Variants in UCP3 observed in about 807,000 individuals in gnomAD.
UCP3 encodes the protein uncoupling protein 3, also known as putative mitochondrial transporter UCP3.
UCP3 carries 24 observed loss-of-function variants against 28.1 expected under a neutral mutation model. The ratio of observed to expected loss-of-function variants is 0.85; its 90% CI spans 0.62 to 1.20. The LOEUF is 1.20. Ranked by LOEUF, UCP3 falls within the 50% of genes most tolerant of loss-of-function variation. The pLI is 0.00. For missense variants in UCP3, 397 were observed against 422.2 expected (o/e 0.94, Z 0.52); for synonymous variants, 184 against 171.2 (o/e 1.07, Z -0.59).
Position 74,001,052 on chromosome 11 carries a change from A to T in UCP3, c.*360T>A. The T allele has an allele frequency of 3.4e-6, 1 of 292,280 alleles. No homozygotes were observed. Among genetic ancestry groups the T allele is most frequent in the Non-Finnish European group, 6.5e-6 (1 of 154,386 alleles). 18.1% of individuals were successfully genotyped at this position (292,280 alleles called of 1,614,324 possible). A position where few individuals can be genotyped will look rare whatever the true frequency, so the allele number is the denominator to read the frequency against. On this transcript the variant is annotated 3_prime_UTR_variant, in exon 7 of 7. Transcript: ENST00000314032. ...CCCGTGCTTGCCATCCTTCCTGCTT[A>T]TCATTCATTATCTAACCAGATTTCA...
chr11:74,004,677 G>C, intron 4 of UCP3, 92 bp from the exon 5 acceptor site: 1 of 1,296,034 alleles, frequency 7.7e-7, no homozygotes. Flanking sequence ...CAAGGCCACA[G>C]GCCCCAGTTT....
chr11:74,007,467 G>A (rs745469351), intron 1 of UCP3, among the ~76,000 whole-genome samples: 1 of 151,558 alleles, frequency 6.6e-6, no homozygotes, highest in Non-Finnish European at 1.5e-5. Flanking sequence ...GTCTCACTCT[G>A]TTACCTGGGC....
rs762770256 is a variant in UCP3 at position 74,006,916 on chromosome 11, C to A, written c.126+1G>T. On this transcript the variant is annotated splice_donor_variant, in intron 2 of 6. Coordinates refer to ENST00000314032, the MANE Select transcript of UCP3 (RefSeq NM_003356.4). LOFTEE classifies it high-confidence loss of function. ...ATGACCCTTGGCCAAAGGGCACCTACCTGCAGGCGGACCTTGGCTGTGTCC... is the reference window on the plus strand; with the variant it reads ...ATGACCCTTGGCCAAAGGGCACCTAACTGCAGGCGGACCTTGGCTGTGTCC... 8 of 1,614,190 alleles carry A rather than the reference C, an allele frequency of 5.0e-6. No homozygotes were observed. Among genetic ancestry groups the A allele is most frequent in the Middle Eastern group, 1.6e-4 (1 of 6,062 alleles).
Position 74,001,429 on chromosome 11 carries a change from G to A in UCP3, c.922C>T (p.Arg308Trp), listed in dbSNP as rs763155375. 7.6e-5 allele frequency: 122 copies of A among 1,614,004 alleles called. No individual in the cohort carries two copies. The Admixed American group carries it at 1.8e-3, about 23-fold the overall frequency. ...KRALMKVQML[R>W]ESPF ...TGTCTTGTTCAAAACGGTGATTCCC[G>A]TAACATCTGGACTTTCATCAGGGCC... The change falls in exon 7 of 7, where the codon CGG becomes TGG. Residue 308 changes from arginine (R) to tryptophan (W), a missense_variant. Physicochemically the swap from Arg to Trp is moderately radical, Grantham distance 101 (BLOSUM62 -3). Transcript: ENST00000314032.
rs150286432 is a variant in UCP3, at chr11:74,004,476, G to A, written c.643+8C>T. ...GGAGAGCTGCCTGCCTGGAGCCCAGGGCCTCACCAGTGAGCAGGTGGTAGT... is the reference window on the plus strand; with the variant it reads ...GGAGAGCTGCCTGCCTGGAGCCCAGAGCCTCACCAGTGAGCAGGTGGTAGT... On this transcript the variant is annotated splice_region_variant and intron_variant, in intron 5 of 6. Transcript: ENST00000314032. 395 of 1,613,490 alleles carry A rather than the reference G, an allele frequency of 2.4e-4. 2 individuals carry two copies. The African/African-American group carries it at 4.5e-3, about 18-fold the overall frequency.
intron 1 of UCP3, among the ~76,000 whole-genome samples, chr11:74,007,583 C>A (rs1009791344): frequency 3.3e-5 from 5 of 152,286 alleles, no homozygotes; most frequent in South Asian, 4.1e-4. Context: ...AGGTGTGCAT[C>A]ACCATACCCA....
At chr11:74,003,540 T>C (rs1232868482) in intron 6 of UCP3, 5 of 1,137,136 alleles carry the variant, frequency 4.4e-6, no homozygotes, top group Non-Finnish European at 5.4e-6. Context: ...TCAATGGCCA[T>C]GGCAGGAGGT....
intron 1 of UCP3, among the ~76,000 whole-genome samples, chr11:74,008,234 A>C (rs961412798): frequency 6.6e-6 from 1 of 152,144 alleles, no homozygotes; most frequent in Non-Finnish European, 1.5e-5. Flanking sequence ...TTCACTGCCC[A>C]GAGAGTCTCA....
chr11:74,003,165 T>C (rs1257130828), intron 6 of UCP3, among the ~76,000 whole-genome samples: 1 of 152,236 alleles, frequency 6.6e-6, no homozygotes, highest in Non-Finnish European at 1.5e-5. Context: ...CAACCTGCAT[T>C]ATCGAGTGCT....
At position 74,004,518 on chromosome 11, in the gene UCP3, G is replaced by A. The variant is rs927547946; in HGVS notation, c.609C>T (p.Leu203=). 1.9e-6 allele frequency: 3 copies of A among 1,614,026 alleles called. No homozygotes were observed. In the African/African-American group the frequency reaches 4.0e-5, roughly 22 times the overall value. The stretch of plus-strand genomic sequence containing the variant: ...GGTGGTAGTCCAGCAGCTTCTCCTT[G>A]AGGATGTCGTAGGTCACCACCTCAG... The part of the protein sequence containing the change: ...NCAEVVTYDI[L]KEKLLDYHLL... The change falls in exon 5 of 7, where the codon CTC becomes CTT. Residue 203 remains leucine (L), a synonymous_variant. Coordinates refer to ENST00000314032, the MANE Select transcript of UCP3 (RefSeq NM_003356.4).
intron 4 of UCP3, among the ~76,000 whole-genome samples, chr11:74,005,285 T>C (rs1437477054): frequency 1.3e-5 from 2 of 152,082 alleles, no homozygotes; most frequent in African/African-American, 2.4e-5. Flanking sequence ...ATGCTCCTCT[T>C]TTTCCTCCGG....
At position 74,003,863 on chromosome 11, in the gene UCP3, A is replaced by T. The variant is rs1951638302; in HGVS notation, c.788T>A (p.Met263Lys). Residue 263 changes from methionine to lysine, a missense_variant, in exon 6 of 7, where the codon ATG becomes AAG. By Grantham distance (95) the Met-to-Lys change is moderately conservative. Transcript: ENST00000314032. ...YFSPLDCMIK[M>K]VAQEGPTAFY... ...GGCTGTGGGGCCCTCCTGGGCCACC[A>T]TCTTTATCATACAGTCGAGGGGGCT... is the stretch of plus-strand genomic sequence containing the variant. 3 of 1,613,224 alleles carry T rather than the reference A, an allele frequency of 1.9e-6. No homozygotes were observed. The highest frequency in any genetic ancestry group is 2.5e-6 in the Non-Finnish European group (3 of 1,179,474).
In UCP3 at chr11:74,001,482, A is replaced by C. The variant is rs760546477; in HGVS notation, c.869T>G (p.Met290Arg). The change falls in exon 7 of 7, where the codon ATG becomes AGG. Residue 290 changes from methionine (M) to arginine (R), a missense_variant. Met to Arg is a moderately conservative substitution (Grantham distance 91, BLOSUM62 -1). Transcript: ENST00000314032. ...FLRLGSWNVV[M>R]FVTYEQLKRA... ...TTTCAGCTGCTCATAGGTTACGAAC[A>C]TCACCACGTTCCAGGATCCCAAACG... The C allele has an allele frequency of 6.2e-7, 1 of 1,614,200 alleles. No individual in the cohort carries two copies. Among genetic ancestry groups the C allele is most frequent in the Non-Finnish European group, 8.5e-7 (1 of 1,180,030 alleles).
intron 6 of UCP3, 130 bp downstream of exon 6, chr11:74,003,697 C>T: frequency 6.9e-7 from 1 of 1,459,204 alleles, no homozygotes; most frequent in Non-Finnish European, 9.0e-7. Context: ...GTTTTTTAAA[C>T]TTCTTCTTTG....
At position 74,001,429 on chromosome 11, in the gene UCP3, G is replaced by GT. The variant is rs775759380; in HGVS notation, c.921dup (p.Arg308ThrfsTer22). The GT allele has an allele frequency of 1.5e-5, 25 of 1,614,004 alleles. No homozygotes were observed. In the Admixed American group the frequency reaches 3.5e-4, roughly 23 times the overall value. ...TGTCTTGTTCAAAACGGTGATTCCC[G>GT]TAACATCTGGACTTTCATCAGGGCC... On this transcript the variant is annotated frameshift_variant, in exon 7 of 7. Transcript: ENST00000314032. LOFTEE classifies it high-confidence loss of function.
rs754417229 is a variant in UCP3 at position 74,006,926 on chromosome 11, G to A, written c.117C>T (p.Val39=). 1 of 1,614,102 alleles carries A rather than the reference G, an allele frequency of 6.2e-7. No individual in the cohort carries two copies. The highest frequency in any genetic ancestry group is 2.2e-5 in the East Asian group (1 of 44,892). The change falls in exon 2 of 7, where the codon GTC becomes GTT. Residue 39 remains valine, a synonymous_variant. Coordinates refer to ENST00000314032, the MANE Select transcript of UCP3 (RefSeq NM_003356.4). ...GCCAAAGGGCACCTACCTGCAGGCG[G>A]ACCTTGGCTGTGTCCAGTGGAAAGG... ...LVTFPLDTAK[V]RLQIQGENQA...
intron 6 of UCP3, 98 bp from the exon 7 acceptor site, chr11:74,001,624 A>G (rs1371382608): frequency 1.9e-6 from 2 of 1,043,024 alleles, no homozygotes; most frequent in Admixed American, 3.8e-5. Flanking sequence ...CAGAGGATCC[A>G]GACTTCTGTT....
chr11:74,002,643 T>A, intron 6 of UCP3: 1 of 580,730 alleles, frequency 1.7e-6, no homozygotes, highest in Non-Finnish European at 2.2e-6. Flanking sequence ...GAGGGAGGCA[T>A]AACCCAGGGC....
chr11:74,005,850 TCAC>T lies in UCP3; in HGVS notation c.418_420del (p.Val140del), dbSNP rs777079174. On this transcript the variant is annotated inframe_deletion, in exon 4 of 7. Coordinates refer to ENST00000314032, the MANE Select transcript of UCP3 (RefSeq NM_003356.4). ...TGTATGCTGGCCTGAAATCGGACCTTCACCACATCTGTGGGCTGGGCACAGGTC... is the reference window on the plus strand; with the variant it reads ...TGTATGCTGGCCTGAAATCGGACCTTCACATCTGTGGGCTGGGCACAGGTC... 1 of 1,614,162 alleles carries T rather than the reference TCAC, an allele frequency of 6.2e-7. No homozygotes were observed. Among genetic ancestry groups the T allele is most frequent in the Non-Finnish European group, 8.5e-7 (1 of 1,180,018 alleles).
Sources: gnomAD v4.1 joint callset for allele counts (sites outside exome capture counted in the v4.1 genomes callset) on GRCh38, gnomAD v4.1.1 for gene constraint, MANE v1.5 for transcripts, NCBI Gene and HGNC (gene_info 2026-07-23, HGNC 2026-07-21) for gene names.